The following KY variants were observed in gnomAD, a reference collection of about 807,000 sequenced individuals.
KY encodes kyphoscoliosis peptidase.
A neutral mutation model predicts 76.1 loss-of-function variants in KY; 43 were observed. The ratio of observed to expected loss-of-function variants is 0.57; its 90% CI spans 0.44 to 0.73. KY has a LOEUF of 0.73. Among genes scored for constraint, KY ranks in the 30% least tolerant of loss-of-function variants. The pLI is 0.00. For missense variants in KY, 722 were observed against 828.9 expected, an observed-to-expected ratio of 0.87 and a Z score of 1.58; for synonymous variants, 277 against 326.2, an observed-to-expected ratio of 0.85 and a Z score of 1.63.
At chr3:134,604,605 A>G (rs2107736936) in intron 10 of KY, 131 bp from the exon 11 acceptor site, 1 of 752,868 alleles carries the variant, frequency 1.3e-6, no homozygotes. Context: ...CACGGTGTTA[A>G]TACTTTCACC....
intron 8 of KY, among the ~76,000 whole-genome samples, chr3:134,618,204 A>G (rs1375634480): frequency 6.6e-6 from 1 of 152,130 alleles, no homozygotes; most frequent in Non-Finnish European, 1.5e-5. Context: ...AGGCAGCACA[A>G]CAGGGGGTTT....
chr3:134,606,280 G>A (rs1213059849), intron 10 of KY, among the ~76,000 whole-genome samples: 1 of 152,090 alleles, frequency 6.6e-6, no homozygotes, highest in Non-Finnish European at 1.5e-5. Flanking sequence ...CTTTGAAAAC[G>A]TCCACCTGGC....
At chr3:134,634,896 A>G (rs1577748720) in intron 3 of KY, among the ~76,000 whole-genome samples, 1 of 152,316 alleles carries the variant, frequency 6.6e-6, no homozygotes, top group Non-Finnish European at 1.5e-5. Flanking sequence ...AATAGTGATA[A>G]TATCATATGC....
intron 10 of KY, among the ~76,000 whole-genome samples, chr3:134,605,432 T>C (rs937522994): frequency 6.6e-5 from 10 of 152,128 alleles, no homozygotes; most frequent in African/African-American, 2.4e-4. Context: ...GGACTCTTGG[T>C]AGGGGAGGCA....
In KY at chr3:134,601,998, T is replaced by C; in HGVS notation, c.*1581A>G. 1.2e-5 allele frequency among the ~76,000 whole-genome samples: 1 copy of C among 81,942 alleles called. No homozygotes were observed. Among genetic ancestry groups the C allele is most frequent in the Non-Finnish European group, 2.6e-5 (1 of 38,206 alleles). 53.8% of individuals were successfully genotyped at this position (81,942 alleles called of 152,430 possible). ...CATCTGGTACTTCTGTGAGCATTTG[T>C]TGGATACAGGGATGTGAGGGTGAGT... is the stretch of plus-strand genomic sequence containing the variant. On this transcript the variant is annotated 3_prime_UTR_variant, in exon 11 of 11. Transcript: ENST00000423778.
intron 10 of KY, 74 bp downstream of exon 10, chr3:134,608,575 A>T: frequency 6.2e-7 from 1 of 1,612,410 alleles, no homozygotes; most frequent in Non-Finnish European, 8.5e-7. Flanking sequence ...GCGCAGTCTC[A>T]GGCGGGCTCC....
chr3:134,603,318 T>TCGCCG lies in KY; in HGVS notation c.*260_*261insCGGCG. ...GGGCATCTGGATGCAGGTGTACAGTTTACAATACCTTAGATTTACATAGCA... is the reference window on the plus strand; with the variant it reads ...GGGCATCTGGATGCAGGTGTACAGTTCGCCGTACAATACCTTAGATTTACATAGCA... On this transcript the variant is annotated 3_prime_UTR_variant, in exon 11 of 11. Transcript: ENST00000423778. 1 of 387,386 alleles carries TCGCCG rather than the reference T, an allele frequency of 2.6e-6. No homozygotes were observed. Among genetic ancestry groups the TCGCCG allele is most frequent in the Non-Finnish European group, 4.6e-6 (1 of 216,134 alleles). The allele number at this position is 387,386 out of a possible 1,614,324, so 24.0% of individuals were successfully genotyped here.
At position 134,629,608 on chromosome 3, in the gene KY, G is replaced by C; in HGVS notation, c.337+13C>G. Reference sequence around the variant, plus strand: ...TGCCAGCCCTCCACCATGAGTACCTGTGTCATACATACGTTTAGCCAAGGA... The same window carrying C: ...TGCCAGCCCTCCACCATGAGTACCTCTGTCATACATACGTTTAGCCAAGGA... On this transcript the variant is annotated intron_variant, in intron 4 of 10. Coordinates refer to ENST00000423778, the MANE Select transcript of KY (RefSeq NM_178554.6). 6.3e-7 allele frequency: 1 copy of C among 1,587,796 alleles called. No homozygotes were observed. Among genetic ancestry groups the C allele is most frequent in the Non-Finnish European group, 8.6e-7 (1 of 1,165,910 alleles).
intron 6 of KY, among the ~76,000 whole-genome samples, chr3:134,621,138 C>T (rs1225272604): frequency 6.6e-6 from 1 of 152,196 alleles, no homozygotes; most frequent in Non-Finnish European, 1.5e-5. Context: ...GCTGTAGCAG[C>T]CCCTGGTCGT....
Position 134,607,054 on chromosome 3 carries a change from G to A in KY, c.1090+1595C>T, listed in dbSNP as rs377473534. The A allele has an allele frequency of 7.3e-4, 724 of 985,162 alleles. No individual in the cohort carries two copies. The Middle Eastern group carries it at 9.4e-3, about 13-fold the overall frequency. 61.0% of individuals were successfully genotyped at this position (985,162 alleles called of 1,614,324 possible). On this transcript the variant is annotated intron_variant, in intron 10 of 10. Transcript: ENST00000423778. ...AGATTTCTATAAATTAAGGAATCTG[G>A]TGTTTATATTTTTATGTCTCTTAAA...
intron 8 of KY, among the ~76,000 whole-genome samples, chr3:134,611,302 G>C (rs1960399494): frequency 6.6e-6 from 1 of 152,186 alleles, no homozygotes; most frequent in South Asian, 2.1e-4. Flanking sequence ...TATAAAATGA[G>C]ACATTTGGAG....
chr3:134,627,029 A>G (rs573854871), intron 5 of KY, among the ~76,000 whole-genome samples: 1 of 152,300 alleles, frequency 6.6e-6, no homozygotes, highest in South Asian at 2.1e-4. Flanking sequence ...CTGCACTCCT[A>G]TTTAGAATAA....
At chr3:134,648,216 G>A (rs1303449744) in intron 1 of KY, among the ~76,000 whole-genome samples, 10 of 152,200 alleles carry the variant, frequency 6.6e-5, no homozygotes, top group African/African-American at 4.8e-5. Flanking sequence ...GGCCGAGGAG[G>A]TTTCCTCACT....
At chr3:134,648,382 C>T (rs528370323) in intron 1 of KY, among the ~76,000 whole-genome samples, 1 of 152,312 alleles carries the variant, frequency 6.6e-6, no homozygotes, top group Admixed American at 6.5e-5. Flanking sequence ...TGACTTACCA[C>T]TTGGAACCCT....
chr3:134,641,246 T>A (rs1965723015), intron 3 of KY: 1 of 152,238 alleles, frequency 6.6e-6, no homozygotes, highest in Non-Finnish European at 1.5e-5. Context: ...AAGAATGGCC[T>A]TTAGAGATAT....
intron 3 of KY, among the ~76,000 whole-genome samples, chr3:134,640,936 TCA>T (rs1357493225): frequency 6.6e-6 from 1 of 152,184 alleles, no homozygotes; most frequent in Non-Finnish European, 1.5e-5. Flanking sequence ...TGGTTTCCAA[TCA>T]CACTCAGATT....
chr3:134,617,957 AG>A (rs1487103219), intron 8 of KY, among the ~76,000 whole-genome samples: 1 of 152,064 alleles, frequency 6.6e-6, no homozygotes, highest in Non-Finnish European at 1.5e-5. Context: ...GTGAGGATCC[AG>A]GTTCCTGGAG....
At position 134,647,488 on chromosome 3, in the gene KY, C is replaced by T; in HGVS notation, c.146G>A (p.Gly49Asp). Residue 49 changes from glycine (G) to aspartate (D), a missense_variant, in exon 2 of 11, where the codon GGT (glycine) becomes GAT (aspartate). Physicochemically the swap from Gly to Asp is moderately conservative, Grantham distance 94 (BLOSUM62 -1). This residue lies in a region of KY where 170 missense variants were observed against 148.1 expected (regional missense o/e 1.15). Transcript: ENST00000423778. ...SLLQRGGGFQ[G>D]VGNGVRRWQK... The stretch of plus-strand genomic sequence containing the variant: ...CCATCTTCGGACTCCATTTCCAACA[C>T]CTTGGAATCCTGCAAAATAACAAGC... The T allele has an allele frequency of 6.2e-7, 1 of 1,607,128 alleles. No homozygotes were observed. Among genetic ancestry groups the T allele is most frequent in the Middle Eastern group, 1.7e-4 (1 of 6,050 alleles).
chr3:134,621,034 G>A (rs147149955), intron 6 of KY, among the ~76,000 whole-genome samples, 177 bp from the exon 7 acceptor site: 68 of 152,332 alleles, frequency 4.5e-4, no homozygotes, highest in African/African-American at 1.5e-3. Flanking sequence ...AAGTTGGACA[G>A]GGCAGGTGGT....
Sources: allele counts gnomAD v4.1 joint callset (sites outside exome capture counted in the v4.1 genomes callset), GRCh38; gene constraint gnomAD v4.1.1; regional missense constraint gnomAD v4.1.1; transcripts MANE v1.5; gene names NCBI Gene and HGNC (gene_info 2026-07-23, HGNC 2026-07-21).